The following SGCZ variants were observed in gnomAD, a reference collection of about 807,000 sequenced individuals.
The protein encoded by SGCZ is zeta-sarcoglycan.
A neutral mutation model predicts 41.3 loss-of-function variants in SGCZ; 40 were observed. The observed-to-expected ratio is 0.97, with a 90% confidence interval of 0.75 to 1.26. The LOEUF is 1.26. Among genes scored for constraint, SGCZ ranks in the 50% most tolerant of loss-of-function variants. The pLI is 0.00. For synonymous variants in SGCZ, 206 were observed against 137.5 expected (o/e 1.50, Z -3.49); for missense variants, 552 against 369.8 (o/e 1.49, Z -4.04).
intron 7 of SGCZ, among the ~76,000 whole-genome samples, chr8:14,100,537 ATATTATACAT>A (rs1801983417): frequency 1.6e-5 from 2 of 122,084 alleles, no homozygotes; most frequent in Non-Finnish European, 3.4e-5. Flanking sequence ...TATTTTCAAA[ATATTATACAT>A]TAGATTAATA....
chr8:14,216,006 T>C (rs62492331), intron 4 of SGCZ, among the ~76,000 whole-genome samples: 36,533 of 152,212 alleles, frequency 0.24, 5,575 homozygotes, highest in Non-Finnish European at 0.34. Flanking sequence ...AGGCAGCAGC[T>C]GCAGCCTCAA....
At chr8:14,216,038 T>C (rs753557262) in intron 4 of SGCZ, among the ~76,000 whole-genome samples, 2 of 152,238 alleles carry the variant, frequency 1.3e-5, no homozygotes, top group Non-Finnish European at 2.9e-5. Context: ...TCCAGGCATT[T>C]ATTCAGCACA....
intron 2 of SGCZ, among the ~76,000 whole-genome samples, chr8:14,433,318 T>C (rs1393630219): frequency 6.6e-6 from 1 of 152,170 alleles, no homozygotes; most frequent in Non-Finnish European, 1.5e-5. Flanking sequence ...AGTGATTAAG[T>C]GTCCACTCTG....
chr8:14,545,364 A>G (rs1020635661), intron 2 of SGCZ, among the ~76,000 whole-genome samples: 3 of 152,052 alleles, frequency 2.0e-5, no homozygotes, highest in African/African-American at 7.2e-5. Context: ...TTGCTTGGAA[A>G]CAACAAATAA....
chr8:14,667,434 C>T (rs1807944570), intron 1 of SGCZ, among the ~76,000 whole-genome samples: 1 of 152,106 alleles, frequency 6.6e-6, no homozygotes, highest in African/African-American at 2.4e-5. Context: ...AATCATCGAA[C>T]CCTGGACTCA....
At chr8:15,214,932 T>A (rs896592856) in intron 1 of SGCZ, among the ~76,000 whole-genome samples, 10 of 152,188 alleles carry the variant, frequency 6.6e-5, no homozygotes, top group African/African-American at 2.4e-4. Context: ...AATGAGACTG[T>A]GATGAAAACT....
chr8:14,572,226 TA>T (rs766986877), intron 1 of SGCZ, among the ~76,000 whole-genome samples: 19 of 152,184 alleles, frequency 1.2e-4, no homozygotes, highest in East Asian at 9.6e-4. Flanking sequence ...TATCTTTTTT[TA>T]TATTTCCAAA....
chr8:14,783,947 T>C (rs978121943), intron 1 of SGCZ, among the ~76,000 whole-genome samples: 1 of 152,210 alleles, frequency 6.6e-6, no homozygotes, highest in East Asian at 1.9e-4. Flanking sequence ...AGAATCATTC[T>C]TGTTCTTCAG....
At chr8:14,439,923 A>C (rs961500546) in intron 2 of SGCZ, among the ~76,000 whole-genome samples, 1 of 151,988 alleles carries the variant, frequency 6.6e-6, no homozygotes. Context: ...TTGGTAACTG[A>C]CTTAAACTGC....
chr8:14,902,259 G>A (rs966790462), intron 1 of SGCZ, among the ~76,000 whole-genome samples: 10 of 152,040 alleles, frequency 6.6e-5, no homozygotes, highest in African/African-American at 1.9e-4. Context: ...TTGAGTTTCT[G>A]GTCTTTTACT....
intron 5 of SGCZ, among the ~76,000 whole-genome samples, chr8:14,128,351 G>A (rs1802929259): frequency 6.6e-6 from 1 of 152,126 alleles, no homozygotes; most frequent in African/African-American, 2.4e-5. Context: ...AAATCACAAT[G>A]AGATATCATT....
chr8:14,298,332 A>G (rs1388727627), intron 3 of SGCZ, among the ~76,000 whole-genome samples: 2 of 152,012 alleles, frequency 1.3e-5, no homozygotes, highest in African/African-American at 4.8e-5. Context: ...TTCCTATTCA[A>G]TATTGTAGTC....
chr8:14,140,708 A>G (rs563362348), intron 5 of SGCZ, among the ~76,000 whole-genome samples: 132 of 152,284 alleles, frequency 8.7e-4, no homozygotes, highest in Non-Finnish European at 1.5e-3. Flanking sequence ...ATGCTCATGG[A>G]TAGGAAGAAT....
chr8:14,106,415 T>C (rs962928076), intron 6 of SGCZ, among the ~76,000 whole-genome samples: 12 of 152,210 alleles, frequency 7.9e-5, no homozygotes, highest in African/African-American at 2.7e-4. Context: ...GTAATTATCA[T>C]GTTGCTCTTC....
chr8:14,645,849 G>A (rs1373840549), intron 1 of SGCZ, among the ~76,000 whole-genome samples: 3 of 151,654 alleles, frequency 2.0e-5, no homozygotes, highest in Non-Finnish European at 4.4e-5. Flanking sequence ...TTTGCATTAT[G>A]AAAGCATTGT....
At chr8:14,474,903 A>G (rs912093371) in intron 2 of SGCZ, among the ~76,000 whole-genome samples, 2 of 152,192 alleles carry the variant, frequency 1.3e-5, no homozygotes, top group African/African-American at 4.8e-5. Context: ...GAAAAGGTCA[A>G]ATCTGCTGTA....
At chr8:14,185,168 A>C (rs944664661) in intron 4 of SGCZ, among the ~76,000 whole-genome samples, 1 of 152,052 alleles carries the variant, frequency 6.6e-6, no homozygotes, top group African/African-American at 2.4e-5. Context: ...TTGGGAGGCC[A>C]AGAGGGGTGG....
intron 5 of SGCZ, among the ~76,000 whole-genome samples, chr8:14,154,124 A>G (rs1803803563): frequency 6.6e-6 from 1 of 152,124 alleles, no homozygotes; most frequent in African/African-American, 2.4e-5. Flanking sequence ...TAATCCCAGC[A>G]TTATGGGAGG....
intron 4 of SGCZ, among the ~76,000 whole-genome samples, chr8:14,210,159 G>T (rs567879314): frequency 6.6e-6 from 1 of 152,150 alleles, no homozygotes; most frequent in Admixed American, 6.5e-5. Context: ...CCAGGCTCAA[G>T]CAATTCTCCT....
Sources: gnomAD v4.1 joint callset for allele counts (sites outside exome capture counted in the v4.1 genomes callset) on GRCh38, gnomAD v4.1.1 for gene constraint, MANE v1.5 for transcripts, NCBI Gene and HGNC (gene_info 2026-07-23, HGNC 2026-07-21) for gene names.